Variants in MICU1 observed in about 807,000 individuals in gnomAD.
MICU1 encodes calcium uptake protein 1, mitochondrial.
MICU1 carries 45 observed loss-of-function variants against 56.8 expected under a neutral mutation model. The ratio of observed to expected loss-of-function variants is 0.79; its 90% CI spans 0.62 to 1.02. The LOEUF is 1.02. Among genes scored for constraint, MICU1 ranks in the 50% least tolerant of loss-of-function variants. The pLI is 0.00. For synonymous variants in MICU1, 186 were observed against 195.1 expected (o/e 0.95, Z 0.39); for missense variants, 504 against 587.1 (o/e 0.86, Z 1.46).
At chr10:72,468,635 T>C (rs2132254514) in intron 8 of MICU1, among the ~76,000 whole-genome samples, 1 of 151,792 alleles carries the variant, frequency 6.6e-6, no homozygotes, top group Non-Finnish European at 1.5e-5. Context: ...AAAAAAGAGA[T>C]CAGAATTAAG....
chr10:72,427,679 C>T (rs1018450510), intron 8 of MICU1, among the ~76,000 whole-genome samples: 3 of 150,684 alleles, frequency 2.0e-5, no homozygotes, highest in Non-Finnish European at 2.9e-5. Flanking sequence ...ATGGGTGGAT[C>T]GCTTGAGCCC....
At chr10:72,398,158 A>G (rs997027566) in intron 10 of MICU1, among the ~76,000 whole-genome samples, 2 of 152,222 alleles carry the variant, frequency 1.3e-5, no homozygotes, top group African/African-American at 2.4e-5. Flanking sequence ...ACTCAACTAC[A>G]TGGAAACTGA....
chr10:72,582,811 T>C (rs1277831468), intron 1 of MICU1: 1 of 150,156 alleles, frequency 6.7e-6, no homozygotes, highest in Non-Finnish European at 1.5e-5. Context: ...CCACTGGGCA[T>C]TGTGGCACGT....
chr10:72,456,449 G>C (rs780861526), intron 8 of MICU1, among the ~76,000 whole-genome samples: 1 of 152,136 alleles, frequency 6.6e-6, no homozygotes, highest in Non-Finnish European at 1.5e-5. Flanking sequence ...TGTGCTGTGG[G>C]AAGCCAGCTG....
intron 4 of MICU1, among the ~76,000 whole-genome samples, chr10:72,544,373 T>A (rs560258985): frequency 6.6e-6 from 1 of 152,132 alleles, no homozygotes; most frequent in South Asian, 2.1e-4. Context: ...CTACAAGGGG[T>A]CATCCTAGAG....
chr10:72,533,017 G>T (rs1331854085), intron 5 of MICU1: 2 of 1,288,342 alleles, frequency 1.6e-6, no homozygotes, highest in Non-Finnish European at 1.0e-6. Context: ...CTCCATGATT[G>T]TCCTTCTGAC....
chr10:72,608,160 C>G (rs1841743562), intron 1 of MICU1, among the ~76,000 whole-genome samples: 1 of 152,118 alleles, frequency 6.6e-6, no homozygotes, highest in Non-Finnish European at 1.5e-5. Flanking sequence ...CCTCAACCTC[C>G]TGGATTCAAG....
intron 8 of MICU1, among the ~76,000 whole-genome samples, chr10:72,471,597 T>G (rs987763052): frequency 6.6e-6 from 1 of 152,066 alleles, no homozygotes; most frequent in Non-Finnish European, 1.5e-5. Context: ...TTTTTTAAAT[T>G]TCTTTGTTTG....
intron 8 of MICU1, among the ~76,000 whole-genome samples, chr10:72,465,032 G>T (rs1865746398): frequency 6.6e-6 from 1 of 152,116 alleles, no homozygotes; most frequent in Non-Finnish European, 1.5e-5. Flanking sequence ...ATGGAGTCTT[G>T]CTCTGTCGCC....
chr10:72,533,680 G>A, intron 5 of MICU1, 66 bp downstream of exon 5: 3 of 1,197,194 alleles, frequency 2.5e-6, no homozygotes, highest in Non-Finnish European at 2.4e-6. Context: ...CATAACTATA[G>A]AGGAACTTAA....
intron 4 of MICU1, among the ~76,000 whole-genome samples, chr10:72,542,285 C>T (rs561093863): frequency 1.3e-5 from 2 of 152,160 alleles, no homozygotes; most frequent in African/African-American, 4.8e-5. Context: ...AATGTAAAAA[C>T]CATTCTCTGC....
At chr10:72,612,153 A>C (rs527977907) in intron 1 of MICU1, among the ~76,000 whole-genome samples, 3 of 152,146 alleles carry the variant, frequency 2.0e-5, no homozygotes, top group Admixed American at 6.6e-5. Context: ...ATATTGGGAA[A>C]ATCAACTAGT....
chr10:72,367,960 T>A lies in MICU1; in HGVS notation c.*235A>T. On this transcript the variant is annotated 3_prime_UTR_variant, in exon 12 of 12. Coordinates refer to ENST00000361114, the MANE Select transcript of MICU1 (RefSeq NM_001195518.2). ...GTTGAGGCTGACAAATGTCTGAGCT[T>A]TACAGACTTGTTCATGTTTTTGAGA... 2.1e-6 allele frequency: 1 copy of A among 470,302 alleles called. No homozygotes were observed. The highest frequency in any genetic ancestry group is 3.1e-5 in the East Asian group (1 of 31,898). 29.1% of individuals were successfully genotyped at this position (470,302 alleles called of 1,614,324 possible). A position where few individuals can be genotyped will look rare whatever the true frequency, so the allele number is the denominator to read the frequency against.
At chr10:72,593,431 C>T (rs933352066) in intron 1 of MICU1, among the ~76,000 whole-genome samples, 6 of 151,518 alleles carry the variant, frequency 4.0e-5, no homozygotes, top group African/African-American at 1.5e-4. Context: ...GAAACCCTGG[C>T]TCTAATCGCT....
intron 11 of MICU1, 86 bp from the exon 12 acceptor site, chr10:72,368,441 A>T (rs1276055198): frequency 6.9e-7 from 1 of 1,453,266 alleles, no homozygotes; most frequent in Non-Finnish European, 9.4e-7. Flanking sequence ...CACAAAGTGG[A>T]TTTCAAAGCC....
At chr10:72,533,093 T>G in intron 5 of MICU1, 1 of 1,289,970 alleles carries the variant, frequency 7.8e-7, no homozygotes, top group Non-Finnish European at 1.0e-6. Context: ...GCTTTCTTCC[T>G]CCTCTGTAAA....
At chr10:72,505,039 T>C (rs547780030) in intron 6 of MICU1, among the ~76,000 whole-genome samples, 66 of 151,454 alleles carry the variant, frequency 4.4e-4, no homozygotes, top group Admixed American at 1.4e-3. Flanking sequence ...TGGAGTGTGA[T>C]CTCGGCTCAC....
chr10:72,493,384 C>T (rs557702866), intron 6 of MICU1, among the ~76,000 whole-genome samples: 7 of 151,808 alleles, frequency 4.6e-5, no homozygotes, highest in Admixed American at 3.9e-4. Context: ...ACTGGTTTAG[C>T]CATTGTTTGA....
At chr10:72,464,534 C>A (rs1865732825) in intron 8 of MICU1, among the ~76,000 whole-genome samples, 1 of 152,048 alleles carries the variant, frequency 6.6e-6, no homozygotes, top group Non-Finnish European at 1.5e-5. Context: ...TATTTCAGTA[C>A]AGTAACATGC....
Sources: gnomAD v4.1 joint callset for allele counts (sites outside exome capture counted in the v4.1 genomes callset) on GRCh38, gnomAD v4.1.1 for gene constraint, MANE v1.5 for transcripts, NCBI Gene and HGNC (gene_info 2026-07-23, HGNC 2026-07-21) for gene names.